Variants in RRM2B observed in about 807,000 individuals in gnomAD.
RRM2B encodes ribonucleoside-diphosphate reductase subunit M2 B.
Under a neutral mutation model 45.9 loss-of-function variants are expected in RRM2B, and 20 were observed. The ratio of observed to expected loss-of-function variants is 0.44; its 90% CI spans 0.31 to 0.63. RRM2B has a LOEUF of 0.63. RRM2B is among the 30% of genes least tolerant of loss of function. The pLI, the probability that RRM2B is intolerant of heterozygous loss-of-function variation, is 0.09. For missense variants in RRM2B, 320 were observed against 414.7 expected, an observed-to-expected ratio of 0.77 and a Z score of 1.98; for synonymous variants, 124 against 132.3, an observed-to-expected ratio of 0.94 and a Z score of 0.43.
In RRM2B at chr8:102,205,139, G is replaced by A. The variant is rs1246663621; in HGVS notation, c.*2994C>T. On this transcript the variant is annotated 3_prime_UTR_variant, in exon 9 of 9. Coordinates refer to ENST00000251810, the MANE Select transcript of RRM2B (RefSeq NM_015713.5). ...TGGTTTAAAAACATAATACCTGATTGTAGGATTAATTTGGCTTTTATTTAG... is the reference window on the plus strand; with the variant it reads ...TGGTTTAAAAACATAATACCTGATTATAGGATTAATTTGGCTTTTATTTAG... The A allele has an allele frequency of 3.3e-5, 5 of 152,164 alleles. No individual in the cohort carries two copies. Among genetic ancestry groups the A allele is most frequent in the Non-Finnish European group, 7.4e-5 (5 of 68,000 alleles). 9.4% of individuals were successfully genotyped at this position (152,164 alleles called of 1,614,324 possible). A position where few individuals can be genotyped will look rare whatever the true frequency, so the allele number is the denominator to read the frequency against.
chr8:102,231,292 T>C (rs778130256), intron 2 of RRM2B, among the ~76,000 whole-genome samples: 51 of 152,222 alleles, frequency 3.4e-4, no homozygotes, highest in Non-Finnish European at 2.6e-4. Flanking sequence ...GATCTATTAG[T>C]GGCAACTCTG....
chr8:102,228,261 G>A (rs1810968723), intron 2 of RRM2B, among the ~76,000 whole-genome samples: 1 of 152,158 alleles, frequency 6.6e-6, no homozygotes, highest in African/African-American at 2.4e-5. Context: ...CTTTGGAGAG[G>A]AGTCAGCTGG....
chr8:102,236,441 A>C (rs1052049473), intron 1 of RRM2B, among the ~76,000 whole-genome samples: 1 of 152,254 alleles, frequency 6.6e-6, no homozygotes, highest in Non-Finnish European at 1.5e-5. Flanking sequence ...TTTGCAAGCA[A>C]CTAAGGAACC....
intron 8 of RRM2B, among the ~76,000 whole-genome samples, chr8:102,210,250 A>G (rs530496699): frequency 2.3e-4 from 35 of 152,296 alleles, no homozygotes; most frequent in African/African-American, 8.4e-4. Flanking sequence ...GTGAAATTCT[A>G]TGAAATTCTC....
rs1810526459 is a variant in RRM2B at position 102,205,384 on chromosome 8, T to C, written c.*2749A>G. The C allele has an allele frequency of 6.6e-6, 1 of 152,146 alleles. No individual in the cohort carries two copies. Among genetic ancestry groups the C allele is most frequent in the Non-Finnish European group, 1.5e-5 (1 of 67,990 alleles). The allele number at this position is 152,146 out of a possible 1,614,324, so 9.4% of individuals were successfully genotyped here. A position where few individuals can be genotyped will look rare whatever the true frequency, so the allele number is the denominator to read the frequency against. On this transcript the variant is annotated 3_prime_UTR_variant, in exon 9 of 9. Coordinates refer to ENST00000251810, the MANE Select transcript of RRM2B (RefSeq NM_015713.5). ...TAGAAAAAGCAGAAAAATATGGATG[T>C]TTCTAAATGAGACAATGAGACAATT...
chr8:102,210,055 T>G (rs1031246753), intron 8 of RRM2B, among the ~76,000 whole-genome samples: 1 of 152,182 alleles, frequency 6.6e-6, no homozygotes, highest in Non-Finnish European at 1.5e-5. Flanking sequence ...AGTTTCTTTA[T>G]GGGGTGATAA....
At chr8:102,213,407 T>C (rs1033699786) in intron 7 of RRM2B, among the ~76,000 whole-genome samples, 21 of 152,088 alleles carry the variant, frequency 1.4e-4, no homozygotes, top group Non-Finnish European at 2.5e-4. Flanking sequence ...AAAATAAAAA[T>C]ATATTAACCA....
At chr8:102,223,951 C>A in intron 5 of RRM2B, 95 bp downstream of exon 5, 1 of 872,494 alleles carries the variant, frequency 1.1e-6, no homozygotes, top group Non-Finnish European at 2.0e-6. Context: ...CTTTTCCATG[C>A]TGTAACTTTG....
Position 102,214,048 on chromosome 8 carries a change from G to A in RRM2B, c.789+6C>T, listed in dbSNP as rs1227713413. On this transcript the variant is annotated splice_donor_region_variant and intron_variant, in intron 7 of 8. Transcript: ENST00000251810. ...ATGTGCTAATTACACAAACTTCCCG[G>A]TTTACCTGCTCAATTTTGACAGCAT... The A allele has an allele frequency of 1.3e-5, 21 of 1,594,016 alleles. No individual in the cohort carries two copies. The highest frequency in any genetic ancestry group is 1.7e-4 in the Middle Eastern group (1 of 6,028).
chr8:102,212,148 T>TGTA (rs1810645621), intron 8 of RRM2B, among the ~76,000 whole-genome samples: 1 of 152,172 alleles, frequency 6.6e-6, no homozygotes, highest in African/African-American at 2.4e-5. Flanking sequence ...AACAATCCTT[T>TGTA]GTAGTAAATA....
chr8:102,212,458 G>A (rs558135943), intron 8 of RRM2B, among the ~76,000 whole-genome samples: 1 of 152,202 alleles, frequency 6.6e-6, no homozygotes, highest in Non-Finnish European at 1.5e-5. Context: ...GACACATGGC[G>A]ATTTATATGA....
At chr8:102,238,588 TG>T (rs1294506124) in intron 1 of RRM2B, 23 of 1,526,424 alleles carry the variant, frequency 1.5e-5, no homozygotes, top group Non-Finnish European at 2.0e-5. Flanking sequence ...GCGTCGTCCT[TG>T]GCTGGCCCCG....
intron 6 of RRM2B, among the ~76,000 whole-genome samples, chr8:102,215,526 GGTGT>G (rs1333602540): frequency 6.6e-6 from 1 of 152,072 alleles, no homozygotes; most frequent in Admixed American, 6.6e-5. Flanking sequence ...CAATGGAATT[GGTGT>G]GTGTGTGTTT....
At chr8:102,228,449 T>A (rs1042174013) in intron 2 of RRM2B, among the ~76,000 whole-genome samples, 1 of 152,172 alleles carries the variant, frequency 6.6e-6, no homozygotes, top group Non-Finnish European at 1.5e-5. Context: ...GTGCCACAGG[T>A]GTGGATGCTA....
intron 7 of RRM2B, among the ~76,000 whole-genome samples, chr8:102,213,337 G>A (rs1262680517): frequency 6.6e-6 from 1 of 152,106 alleles, no homozygotes; most frequent in Non-Finnish European, 1.5e-5. Flanking sequence ...TGGGGGTTGG[G>A]AGATAAAATA....
intron 6 of RRM2B, among the ~76,000 whole-genome samples, chr8:102,217,331 G>T (rs2132548163): frequency 6.6e-6 from 1 of 152,120 alleles, no homozygotes; most frequent in Admixed American, 6.5e-5. Context: ...AGTAAATGTA[G>T]TTCTCTCTGT....
intron 2 of RRM2B, among the ~76,000 whole-genome samples, chr8:102,226,726 T>C (rs1388529745): frequency 1.3e-5 from 2 of 152,218 alleles, no homozygotes; most frequent in Admixed American, 6.5e-5. Flanking sequence ...GAGTTTTGTT[T>C]TGTTTTGAGA....
In RRM2B at chr8:102,206,664, G is replaced by A. The variant is rs1249201142; in HGVS notation, c.*1469C>T. 6.6e-6 allele frequency: 1 copy of A among 152,114 alleles called. No individual in the cohort carries two copies. Among genetic ancestry groups the A allele is most frequent in the African/African-American group, 2.4e-5 (1 of 41,430 alleles). The allele number at this position is 152,114 out of a possible 1,614,324, so 9.4% of individuals were successfully genotyped here. ...GGTATACAGAATACCAAATAATAAT[G>A]TATTAAAAATTCAGTATTTCAGTAT... On this transcript the variant is annotated 3_prime_UTR_variant, in exon 9 of 9. Coordinates refer to ENST00000251810, the MANE Select transcript of RRM2B (RefSeq NM_015713.5).
intron 6 of RRM2B, among the ~76,000 whole-genome samples, chr8:102,215,409 A>C (rs973205872): frequency 6.1e-4 from 92 of 151,886 alleles, no homozygotes; most frequent in African/African-American, 2.0e-3. Flanking sequence ...CTGTTTCAAA[A>C]AAAAAAAAGG....
Sources: allele counts gnomAD v4.1 joint callset (sites outside exome capture counted in the v4.1 genomes callset), GRCh38; gene constraint gnomAD v4.1.1; transcripts MANE v1.5; gene names NCBI Gene and HGNC (gene_info 2026-07-23, HGNC 2026-07-21).